WDR73: variants seen among roughly 807,000 people sequenced by gnomAD.
WDR73 encodes the protein integrator complex assembly factor WDR73.
In WDR73, 30 loss-of-function variants were observed where a neutral mutation model predicts 38.2. The observed-to-expected ratio is 0.79, with a 90% CI of 0.59 to 1.06. WDR73 has a LOEUF of 1.06. Ranked by LOEUF, WDR73 falls within the 50% of genes least tolerant of loss-of-function variation. The pLI, the probability that WDR73 is intolerant of heterozygous loss-of-function variation, is 0.00. For missense variants in WDR73, 487 were observed against 467.0 expected (o/e 1.04, Z -0.40); for synonymous variants, 197 against 176.0 (o/e 1.12, Z -0.94).
At position 84,643,329 on chromosome 15, in the gene WDR73, A is replaced by G; in HGVS notation, c.*141T>C. 1.0e-6 allele frequency: 1 copy of G among 982,190 alleles called. No homozygotes were observed. 60.8% of individuals were successfully genotyped at this position (982,190 alleles called of 1,614,324 possible). ...CCTCATTTTACAGATAAGGAAACTG[A>G]GGCTAAGTGACGCTGGCAGACTTGC... is the stretch of plus-strand genomic sequence containing the variant. On this transcript the variant is annotated 3_prime_UTR_variant, in exon 8 of 8. Coordinates refer to ENST00000434634, the MANE Select transcript of WDR73 (RefSeq NM_032856.5).
intron 3 of WDR73, among the ~76,000 whole-genome samples, chr15:84,651,990 C>T (rs551673423): frequency 2.0e-5 from 3 of 152,278 alleles, no homozygotes; most frequent in Middle Eastern, 3.4e-3. Context: ...GCCTCAGCCT[C>T]CTGAGTAGCT....
In WDR73 at chr15:84,639,396, AT is replaced by A. The variant is rs1896189856; in HGVS notation, c.*4073del. ...TTCTTTTCACTGAGCTTTCCCAAGA[AT>A]CCCCCCAGAATTAAAAAAAAAAAAT... On this transcript the variant is annotated 3_prime_UTR_variant, in exon 8 of 8. Transcript: ENST00000434634. 6.6e-6 allele frequency: 1 copy of A among 151,702 alleles called. No individual in the cohort carries two copies. Among genetic ancestry groups the A allele is most frequent in the Admixed American group, 6.6e-5 (1 of 15,194 alleles). 9.4% of individuals were successfully genotyped at this position (151,702 alleles called of 1,614,324 possible). A position where few individuals can be genotyped will look rare whatever the true frequency, so the allele number is the denominator to read the frequency against.
chr15:84,654,283 C>T lies in WDR73; in HGVS notation c.-9G>A, dbSNP rs769773192. 13 of 1,613,850 alleles carry T rather than the reference C, an allele frequency of 8.1e-6. No homozygotes were observed. Among genetic ancestry groups the T allele is most frequent in the Non-Finnish European group, 1.0e-5 (12 of 1,179,826 alleles). Reference sequence around the variant, plus strand: ...TCGTCCCCAGGATCCATGGCAACGACCGCTTCCGGCGTCTCACTTCCGCCT... The same window carrying T: ...TCGTCCCCAGGATCCATGGCAACGATCGCTTCCGGCGTCTCACTTCCGCCT... On this transcript the variant is annotated 5_prime_UTR_variant, in exon 1 of 8. Transcript: ENST00000434634.
rs1896242711 is a variant in WDR73 at position 84,641,059 on chromosome 15, A to AAAAC, written c.*2410_*2411insGTTT. ...CTTCTGGGAACTAGACCTTCTTGAG[A>AAAAC]GGCACTATCATTCTCATTTCACCTG... On this transcript the variant is annotated 3_prime_UTR_variant, in exon 8 of 8. Transcript: ENST00000434634. The AAAAC allele has an allele frequency of 2.0e-5, 3 of 152,172 alleles. No individual in the cohort carries two copies. The highest frequency in any genetic ancestry group is 7.2e-5 in the African/African-American group (3 of 41,396). 9.4% of individuals were successfully genotyped at this position (152,172 alleles called of 1,614,324 possible).
Position 84,654,147 on chromosome 15 carries a change from G to A in WDR73, c.41+87C>T, listed in dbSNP as rs1364032571. 25 of 1,571,540 alleles carry A rather than the reference G, an allele frequency of 1.6e-5. 1 individual carries two copies. In the South Asian group the frequency reaches 2.4e-4, roughly 15 times the overall value. On this transcript the variant is annotated intron_variant, in intron 1 of 7. Coordinates refer to ENST00000434634, the MANE Select transcript of WDR73 (RefSeq NM_032856.5). Reference sequence around the variant, plus strand: ...CCACAGCTGGCCCACTCTGCACCAGGATCCCCAACGTGCCTCCACCCACAC... The same window carrying A: ...CCACAGCTGGCCCACTCTGCACCAGAATCCCCAACGTGCCTCCACCCACAC...
chr15:84,644,128 T>C (rs1896364417), intron 7 of WDR73: 1 of 178,438 alleles, frequency 5.6e-6, no homozygotes, highest in African/African-American at 2.4e-5. Flanking sequence ...TCCTCAGAAC[T>C]GTATGACACA....
At chr15:84,648,064 C>G (rs1896517984) in intron 4 of WDR73, 110 bp from the exon 5 acceptor site, 1 of 948,260 alleles carries the variant, frequency 1.1e-6, no homozygotes, top group Admixed American at 1.8e-5. Context: ...ATCAGGACAT[C>G]TTACTGCAAG....
chr15:84,645,406 G>A (rs73449326), intron 7 of WDR73, 65 bp downstream of exon 7: 4 of 1,594,764 alleles, frequency 2.5e-6, no homozygotes, highest in Admixed American at 3.5e-5. Flanking sequence ...GCTCCTTCCT[G>A]AGCACCCAAC....
At position 84,640,727 on chromosome 15, in the gene WDR73, TTAAAA is replaced by T. The variant is rs1335423908; in HGVS notation, c.*2738_*2742del. 2.6e-5 allele frequency: 4 copies of T among 152,042 alleles called. No homozygotes were observed. Among genetic ancestry groups the T allele is most frequent in the African/African-American group, 9.7e-5 (4 of 41,396 alleles). 9.4% of individuals were successfully genotyped at this position (152,042 alleles called of 1,614,324 possible). On this transcript the variant is annotated 3_prime_UTR_variant, in exon 8 of 8. Transcript: ENST00000434634. ...AAAATAATAATATTATTAAAAGAAT[TTAAAA>T]TAAAGTGTTCCATAGATGTGAACCC...
chr15:84,643,629 A>G lies in WDR73; in HGVS notation c.978T>C (p.Thr326=). ...CATCTAGGAAGATGTGACCTCTGTG[A>G]GTGAAGAGAGGTTCTACTTGGCTCC... is the stretch of plus-strand genomic sequence containing the variant. ...GTRSQVEPLF[T]HRGHIFLDGN... is the part of the protein sequence containing the mutation. Residue 326 remains threonine, a synonymous_variant, in exon 8 of 8, where the codon ACT becomes ACC. Transcript: ENST00000434634. 1.2e-6 allele frequency: 2 copies of G among 1,612,614 alleles called. No homozygotes were observed. The highest frequency in any genetic ancestry group is 2.2e-5 in the East Asian group (1 of 44,864).
At position 84,645,659 on chromosome 15, in the gene WDR73, C is replaced by T. The variant is rs1157435675; in HGVS notation, c.695G>A (p.Ser232Asn). Reference protein sequence around the residue: ...GGERWCAEVGSWGQGPGPSIA... With the variant: ...GGERWCAEVGNWGQGPGPSIA... ...GCTGGGCCCAGGGCCCTGGCCCCAG[C>T]TCCCAACTTCAGCACACCATCTCTC... Residue 232 changes from serine (S) to asparagine (N), a missense_variant, in exon 7 of 8, where the codon AGC (serine) becomes AAC (asparagine). Coordinates refer to ENST00000434634, the MANE Select transcript of WDR73 (RefSeq NM_032856.5). 1 of 1,608,550 alleles carries T rather than the reference C, an allele frequency of 6.2e-7. No individual in the cohort carries two copies. Among genetic ancestry groups the T allele is most frequent in the Non-Finnish European group, 8.5e-7 (1 of 1,177,630 alleles).
At chr15:84,646,024 C>T (rs1403225144) in intron 6 of WDR73, 160 bp downstream of exon 6, 1 of 1,542,346 alleles carries the variant, frequency 6.5e-7, no homozygotes, top group East Asian at 2.4e-5. Context: ...CCTAATCCTG[C>T]CCCAGCATAG....
Position 84,643,502 on chromosome 15 carries a change from A to C in WDR73, c.1105T>G (p.Trp369Gly). The change falls in exon 8 of 8, where the codon TGG becomes GGG. Residue 369 changes from tryptophan (W) to glycine (G), a missense_variant. Coordinates refer to ENST00000434634, the MANE Select transcript of WDR73 (RefSeq NM_032856.5). ...GGGGCACAAAGGTCCACCCAGTCCC[A>C]CACATGCAGAGAGGCATCATTTGTT... is the stretch of plus-strand genomic sequence containing the variant. ...SATNDASLHV[W>G]DWVDLCAPR The C allele has an allele frequency of 6.4e-7, 1 of 1,569,914 alleles. No homozygotes were observed. The highest frequency in any genetic ancestry group is 8.6e-7 in the Non-Finnish European group (1 of 1,156,700).
At chr15:84,654,078 G>T in intron 1 of WDR73, 156 bp downstream of exon 1, 1 of 963,758 alleles carries the variant, frequency 1.0e-6, no homozygotes, top group Non-Finnish European at 1.6e-6. Context: ...TAGAGATGGG[G>T]GCCTAGGCCC....
chr15:84,647,697 A>G (rs1433752668), intron 5 of WDR73, 193 bp downstream of exon 5: 2 of 604,502 alleles, frequency 3.3e-6, no homozygotes, highest in East Asian at 5.6e-5. Flanking sequence ...AGGTTTCACC[A>G]TGTTGTACAA....
rs1896349524 is a variant in WDR73 at position 84,643,742 on chromosome 15, G to C, written c.884-19C>G. On this transcript the variant is annotated intron_variant, in intron 7 of 7. Transcript: ENST00000434634. ...TCAAAACCTGAGAATACAGAAAAGA[G>C]AGGCTTGACAATGAGTCCCTAATTT... The C allele has an allele frequency of 1.9e-6, 3 of 1,599,704 alleles. No homozygotes were observed. In the African/African-American group the frequency reaches 4.0e-5, roughly 22 times the overall value.
chr15:84,648,945 T>C (rs977612319), intron 3 of WDR73, among the ~76,000 whole-genome samples: 1 of 152,128 alleles, frequency 6.6e-6, no homozygotes, highest in Non-Finnish European at 1.5e-5. Context: ...AATGAACACA[T>C]CCCCATTTCT....
At position 84,646,378 on chromosome 15, in the gene WDR73, G is replaced by C. The variant is rs202215241; in HGVS notation, c.353-30C>G. 1,482 of 1,587,980 alleles carry C rather than the reference G, an allele frequency of 9.3e-4. 21 individuals carry two copies. The Admixed American group carries it at 0.023, about 25-fold the overall frequency. On this transcript the variant is annotated intron_variant, in intron 5 of 7. Coordinates refer to ENST00000434634, the MANE Select transcript of WDR73 (RefSeq NM_032856.5). Reference sequence around the variant, plus strand: ...GGGAAAACGAAGAGGCCAAAATCCAGAACTTTAATGAAGGTTTGAAACATG... The same window carrying C: ...GGGAAAACGAAGAGGCCAAAATCCACAACTTTAATGAAGGTTTGAAACATG...
At chr15:84,651,835 A>G (rs1896633307) in intron 3 of WDR73, among the ~76,000 whole-genome samples, 1 of 151,718 alleles carries the variant, frequency 6.6e-6, no homozygotes, top group Non-Finnish European at 1.5e-5. Flanking sequence ...GAGTTTCCCA[A>G]TTGCCAGTCT....
Sources: gnomAD v4.1 joint callset for allele counts (sites outside exome capture counted in the v4.1 genomes callset) on GRCh38, gnomAD v4.1.1 for gene constraint, MANE v1.5 for transcripts, NCBI Gene and HGNC (gene_info 2026-07-23, HGNC 2026-07-21) for gene names.